MCF2L: variants seen among roughly 807,000 people sequenced by gnomAD.
MCF2L encodes the protein MCF.2 cell line derived transforming sequence like.
In MCF2L, 97 loss-of-function variants were observed where a neutral mutation model predicts 153.4. That is an observed-to-expected ratio of 0.63 (90% confidence interval 0.54 to 0.75). The LOEUF (loss-of-function observed/expected upper bound fraction) is 0.75, where lower values mean the gene tolerates loss of function less well. MCF2L is among the 30% of genes least tolerant of loss of function. The probability of loss-of-function intolerance (pLI) is 0.00; values close to 1 mark genes in which losing one functional copy is unlikely to be tolerated. For missense variants in MCF2L, 1,347 were observed against 1,495.2 expected (o/e 0.90, Z 1.64); for synonymous variants, 659 against 632.2 (o/e 1.04, Z -0.64).
chr13:112,914,685 T>C (rs2081272193), intron 2 of MCF2L, among the ~76,000 whole-genome samples: 1 of 152,240 alleles, frequency 6.6e-6, no homozygotes, highest in Admixed American at 6.5e-5. Context: ...ATGCAGACTT[T>C]CATCACTTGC....
At position 113,074,369 on chromosome 13, in the gene MCF2L, C is replaced by T. The variant is rs2033222778; in HGVS notation, c.997-75C>T. 4 of 1,554,474 alleles carry T rather than the reference C, an allele frequency of 2.6e-6. No homozygotes were observed. Among genetic ancestry groups the T allele is most frequent in the South Asian group, 1.1e-5 (1 of 88,378 alleles). ...CTTTGAATTCTGTCATTTCCCTGAT[C>T]TGGAGCACTGGAGTGGGTTCTCTCT... On this transcript the variant is annotated intron_variant, in intron 9 of 29. Transcript: ENST00000535094. The surrounding 1 kb of genome is among the most constrained non-coding windows in gnomAD (Gnocchi z 4.2).
chr13:113,051,202 T>G (rs988172897), intron 4 of MCF2L, among the ~76,000 whole-genome samples: 1 of 152,136 alleles, frequency 6.6e-6, no homozygotes, highest in African/African-American at 2.4e-5. Flanking sequence ...CAGCGCACCC[T>G]GCGCGTTCAC....
At chr13:113,001,544 C>T in intron 1 of MCF2L, 1 of 306,130 alleles carries the variant, frequency 3.3e-6, no homozygotes, top group Non-Finnish European at 5.4e-6. Flanking sequence ...GCTCAGGTCC[C>T]TGCCACTCAG....
intron 26 of MCF2L, chr13:113,090,201 G>T (rs1188335578): frequency 1.7e-5 from 26 of 1,495,154 alleles, no homozygotes; most frequent in African/African-American, 5.6e-5. Context: ...TCACCGTGGT[G>T]GCGTCTGTCA....
intron 12 of MCF2L, among the ~76,000 whole-genome samples, chr13:113,076,485 G>A (rs182246833): frequency 3.4e-4 from 52 of 152,186 alleles, no homozygotes; most frequent in African/African-American, 1.1e-3. Context: ...GGCTGGTCTC[G>A]AACTCCTGAC....
chr13:112,969,076 G>A (rs1312556375), upstream of MCF2L: 6 of 258,178 alleles, frequency 2.3e-5, no homozygotes, highest in East Asian at 3.9e-4. This position sits in a 1 kb window ranked among gnomAD's most constrained non-coding sequence, Gnocchi z 4.8. Flanking sequence ...GGGGCTCCCA[G>A]GTGACCCCGG....
In MCF2L at chr13:113,064,182, C is replaced by T. The variant is rs370998379; in HGVS notation, c.490-122C>T. On this transcript the variant is annotated intron_variant, in intron 5 of 29. Transcript: ENST00000535094. This position sits in a 1 kb window ranked among gnomAD's most constrained non-coding sequence, Gnocchi z 6.0. ...GTCCAGGTGCCCCCACCCACACAGC[C>T]GCCCGCAGCATCCAGGCAGACGTGG... 49 of 764,636 alleles carry T rather than the reference C, an allele frequency of 6.4e-5. 1 individual carries two copies. The highest frequency in any genetic ancestry group is 5.0e-4 in the Middle Eastern group (2 of 4,024). 47.4% of individuals were successfully genotyped at this position (764,636 alleles called of 1,614,324 possible). A position where few individuals can be genotyped will look rare whatever the true frequency, so the allele number is the denominator to read the frequency against.
At chr13:112,999,174 C>A (rs2083260654) in intron 1 of MCF2L, among the ~76,000 whole-genome samples, 1 of 152,220 alleles carries the variant, frequency 6.6e-6, no homozygotes, top group South Asian at 2.1e-4. Flanking sequence ...TGGGGCCAGA[C>A]CGCCTGGGTC....
chr13:113,069,993 C>T (rs980752196), intron 8 of MCF2L, 66 bp from the exon 9 acceptor site: 3 of 1,127,474 alleles, frequency 2.7e-6, no homozygotes, highest in Non-Finnish European at 3.9e-6. Flanking sequence ...CTTGAACACC[C>T]ACCGCGCTCC....
At chr13:113,055,778 C>A (rs1180421972) in intron 4 of MCF2L, among the ~76,000 whole-genome samples, 1 of 152,216 alleles carries the variant, frequency 6.6e-6, no homozygotes, top group Non-Finnish European at 1.5e-5. Context: ...CAGCATCTTA[C>A]CCACACGTGC....
intron 3 of MCF2L, among the ~76,000 whole-genome samples, chr13:113,029,246 C>T (rs918055009): frequency 2.6e-5 from 4 of 152,162 alleles, no homozygotes; most frequent in Non-Finnish European, 1.5e-5. Flanking sequence ...GCGCAGCAGC[C>T]GCGGCAGCTC....
At chr13:112,927,810 A>G (rs1244498305) in intron 2 of MCF2L, among the ~76,000 whole-genome samples, 2 of 152,210 alleles carry the variant, frequency 1.3e-5, no homozygotes, top group African/African-American at 4.8e-5. Flanking sequence ...ACCTCATGTG[A>G]AGCTCTACAT....
intron 2 of MCF2L, among the ~76,000 whole-genome samples, chr13:113,019,804 C>T (rs1487884334): frequency 6.6e-6 from 1 of 152,128 alleles, no homozygotes; most frequent in African/African-American, 2.4e-5. Context: ...GCTGAAGAGA[C>T]CAGATCTCCT....
intron 3 of MCF2L, chr13:113,040,925 C>G (rs1219558461): frequency 6.6e-6 from 1 of 152,150 alleles, no homozygotes. Flanking sequence ...TGGTTTGGGT[C>G]TCTGTCACAG....
At chr13:113,093,434 GCA>G (rs2035385921) in intron 26 of MCF2L, among the ~76,000 whole-genome samples, 1 of 152,268 alleles carries the variant, frequency 6.6e-6, no homozygotes. Flanking sequence ...TCCCTTCTCT[GCA>G]CAGACAGCAG....
At chr13:112,924,980 A>T (rs2081388387) in intron 2 of MCF2L, among the ~76,000 whole-genome samples, 1 of 152,236 alleles carries the variant, frequency 6.6e-6, no homozygotes, top group African/African-American at 2.4e-5. Flanking sequence ...CGTGCTGGAA[A>T]AGATGACCTT....
chr13:112,938,995 C>T (rs1053873453), intron 2 of MCF2L, among the ~76,000 whole-genome samples: 1 of 152,178 alleles, frequency 6.6e-6, no homozygotes, highest in Admixed American at 6.5e-5. Context: ...ACAGCTGCCC[C>T]AAGTCCCTCT....
At chr13:113,091,276 G>A in intron 26 of MCF2L, 2 of 1,203,392 alleles carry the variant, frequency 1.7e-6, no homozygotes, top group Non-Finnish European at 2.2e-6. Context: ...TGGCCGTCAA[G>A]GCCACCTAAG....
intron 2 of MCF2L, among the ~76,000 whole-genome samples, chr13:112,903,912 C>T (rs2081144620): frequency 6.6e-6 from 1 of 152,180 alleles, no homozygotes; most frequent in African/African-American, 2.4e-5. Flanking sequence ...AGCTGTTGTG[C>T]AGGGGGCTTC....
Sources: gnomAD v4.1 joint callset for allele counts (sites outside exome capture counted in the v4.1 genomes callset) on GRCh38, gnomAD v4.1.1 for gene constraint, Gnocchi (gnomAD v3.1) non-coding constraint, MANE v1.5 for transcripts, NCBI Gene and HGNC (gene_info 2026-07-23, HGNC 2026-07-21) for gene names.